Variants in CCDC175 observed in about 807,000 individuals in gnomAD.
CCDC175 encodes coiled-coil domain containing 175, also known as coiled-coil domain-containing protein 175.
A neutral mutation model predicts 114.6 loss-of-function variants in CCDC175; 100 were observed. The ratio of observed to expected loss-of-function variants is 0.87; its 90% CI spans 0.74 to 1.03. The LOEUF is 1.03. Among genes scored for constraint, CCDC175 ranks in the 50% least tolerant of loss-of-function variants. CCDC175 has a pLI of 0.00. For synonymous variants in CCDC175, 306 were observed against 308.7 expected (o/e 0.99, Z 0.09); for missense variants, 880 against 917.8 (o/e 0.96, Z 0.53).
At chr14:59,534,604 G>A (rs1457224386) in intron 13 of CCDC175, among the ~76,000 whole-genome samples, 3 of 152,252 alleles carry the variant, frequency 2.0e-5, no homozygotes, top group African/African-American at 7.2e-5. Context: ...CCCTTTTCCT[G>A]GCAGCTCTGC....
At chr14:59,560,073 A>C (rs756971397) in intron 7 of CCDC175, among the ~76,000 whole-genome samples, 9 of 152,094 alleles carry the variant, frequency 5.9e-5, no homozygotes, top group Non-Finnish European at 1.2e-4. Context: ...ACAAAATAAA[A>C]GAGTTTTTTT....
intron 14 of CCDC175, among the ~76,000 whole-genome samples, chr14:59,530,302 G>A (rs994027380): frequency 6.6e-6 from 1 of 152,014 alleles, no homozygotes; most frequent in African/African-American, 2.4e-5. Flanking sequence ...AGGAGGTGGA[G>A]GTTGCAGTGA....
In CCDC175 at chr14:59,576,662, G is replaced by A. The variant is rs1897140807; in HGVS notation, c.114C>T (p.Gly38=). 5 of 1,481,682 alleles carry A rather than the reference G, an allele frequency of 3.4e-6. No individual in the cohort carries two copies. In the East Asian group the frequency reaches 1.4e-4, roughly 42 times the overall value. The allele number at this position is 1,481,682 out of a possible 1,614,324, so 91.8% of individuals were successfully genotyped here. A position where few individuals can be genotyped will look rare whatever the true frequency, so the allele number is the denominator to read the frequency against. Residue 38 remains glycine, a synonymous_variant, in exon 1 of 20, where the codon GGC becomes GGT. Transcript: ENST00000537690. ...CCAGCGCCTCGACCGCGACCGAGGA[G>A]CCCAGGGTGGAGGGTAAGGTGCATA... ...LELCTLPSTL[G]SSVAVEALEQ... is the part of the protein sequence containing the mutation.
chr14:59,546,277 G>A (rs1171295715), intron 8 of CCDC175, among the ~76,000 whole-genome samples: 1 of 152,108 alleles, frequency 6.6e-6, no homozygotes, highest in Non-Finnish European at 1.5e-5. Context: ...GGTATACATG[G>A]ACACAAAGAT....
At chr14:59,535,162 T>C (rs1270732841) in intron 13 of CCDC175, among the ~76,000 whole-genome samples, 2 of 152,162 alleles carry the variant, frequency 1.3e-5, no homozygotes, top group Non-Finnish European at 2.9e-5. Context: ...AATTGGGTTA[T>C]TGCTATATAA....
At chr14:59,516,377 G>A (rs1195445385) in intron 17 of CCDC175, among the ~76,000 whole-genome samples, 1 of 152,168 alleles carries the variant, frequency 6.6e-6, no homozygotes, top group Non-Finnish European at 1.5e-5. Context: ...AATGAATCCA[G>A]GAGCTGGTTT....
intron 8 of CCDC175, among the ~76,000 whole-genome samples, chr14:59,546,598 T>C (rs968189609): frequency 2.6e-5 from 4 of 152,022 alleles, no homozygotes; most frequent in Admixed American, 2.6e-4. Context: ...AAGAAACCAC[T>C]TGAAAACCAA....
intron 17 of CCDC175, among the ~76,000 whole-genome samples, chr14:59,518,751 T>G (rs556976591): frequency 2.4e-3 from 360 of 152,182 alleles, no homozygotes; most frequent in African/African-American, 7.9e-3. Context: ...ATTGTGGAAG[T>G]CAGTGTGGTG....
chr14:59,546,588 A>G (rs1895124656), intron 8 of CCDC175, among the ~76,000 whole-genome samples: 1 of 152,196 alleles, frequency 6.6e-6, no homozygotes, highest in Non-Finnish European at 1.5e-5. Flanking sequence ...ACTAACATAG[A>G]AGAAACCACT....
rs1466931574 is a variant in CCDC175 at position 59,538,051 on chromosome 14, A to T, written c.1595T>A (p.Met532Lys). 47 of 1,530,984 alleles carry T rather than the reference A, an allele frequency of 3.1e-5. No homozygotes were observed. Among genetic ancestry groups the T allele is most frequent in the Non-Finnish European group, 3.9e-5 (44 of 1,142,222 alleles). The allele number at this position is 1,530,984 out of a possible 1,614,324, so 94.8% of individuals were successfully genotyped here. A position where few individuals can be genotyped will look rare whatever the true frequency, so the allele number is the denominator to read the frequency against. ...EEKAFVNKEK[M>K]LMKELSKYEE... Reference sequence around the variant, plus strand: ...ATACTTGCTTAACTCTTTCATTAACATTTTTTCTTTGTTAACAAATGCTTT... The same window carrying T: ...ATACTTGCTTAACTCTTTCATTAACTTTTTTTCTTTGTTAACAAATGCTTT... The change falls in exon 13 of 20, where the codon ATG (methionine) becomes AAG (lysine). Residue 532 changes from methionine (M) to lysine (K), a missense_variant. Transcript: ENST00000537690.
At chr14:59,547,642 C>A (rs1895194886) in intron 8 of CCDC175, among the ~76,000 whole-genome samples, 1 of 152,114 alleles carries the variant, frequency 6.6e-6, no homozygotes. Flanking sequence ...ATTGGACAAC[C>A]TTATGGAAAA....
At chr14:59,513,346 T>C (rs1807954) in intron 17 of CCDC175, among the ~76,000 whole-genome samples, 68,740 of 151,970 alleles carry the variant, frequency 0.45, 16,526 homozygotes, top group African/African-American at 0.61. Flanking sequence ...GTGCACCGAG[T>C]GTGAGCCAAA....
In CCDC175 at chr14:59,572,721, G is replaced by T; in HGVS notation, c.336C>A (p.Ser112Arg). The change falls in exon 3 of 20, where the codon AGC becomes AGA. Residue 112 changes from serine to arginine, a missense_variant. Ser to Arg is a moderately radical substitution (Grantham distance 110). Coordinates refer to ENST00000537690, the MANE Select transcript of CCDC175 (RefSeq NM_001164399.2). ...AAGTACCTTCCAATTCCCTCTTAAT[G>T]CTATTGGGAAGAGTTTCCAATAGAT... ...LYYLLETLPNSIKRELEECVR... is the reference protein window; with the variant it reads ...LYYLLETLPNRIKRELEECVR... 1 of 1,500,010 alleles carries T rather than the reference G, an allele frequency of 6.7e-7. No individual in the cohort carries two copies. Among genetic ancestry groups the T allele is most frequent in the Non-Finnish European group, 8.8e-7 (1 of 1,132,338 alleles). 92.9% of individuals were successfully genotyped at this position (1,500,010 alleles called of 1,614,324 possible). A position where few individuals can be genotyped will look rare whatever the true frequency, so the allele number is the denominator to read the frequency against.
At chr14:59,513,181 G>T (rs920315289) in intron 17 of CCDC175, among the ~76,000 whole-genome samples, 1 of 152,162 alleles carries the variant, frequency 6.6e-6, no homozygotes, top group South Asian at 2.1e-4. Context: ...TTCACTTGAG[G>T]GGGGTGGAGC....
Position 59,565,187 on chromosome 14 carries a change from A to C in CCDC175, c.580T>G (p.Tyr194Asp). 1.3e-6 allele frequency: 2 copies of C among 1,537,778 alleles called. No homozygotes were observed. The highest frequency in any genetic ancestry group is 1.7e-6 in the Non-Finnish European group (2 of 1,147,030). The part of the protein sequence containing the change: ...TMEKKATTTV[Y>D]INETYTKINL... ...ATTTTGGTATAAGTCTCATTTATGT[A>C]AACAGTGGTGGTGGCTTTTTTCTCC... The change falls in exon 5 of 20, where the codon TAC becomes GAC. Residue 194 changes from tyrosine to aspartate, a missense_variant. By Grantham distance (160) the Tyr-to-Asp change is radical. Coordinates refer to ENST00000537690, the MANE Select transcript of CCDC175 (RefSeq NM_001164399.2).
In CCDC175 at chr14:59,525,348, T is replaced by G; in HGVS notation, c.1929A>C (p.Glu643Asp). 6.6e-7 allele frequency: 1 copy of G among 1,511,346 alleles called. No individual in the cohort carries two copies. The highest frequency in any genetic ancestry group is 1.3e-5 in the South Asian group (1 of 79,666). 93.6% of individuals were successfully genotyped at this position (1,511,346 alleles called of 1,614,324 possible). Residue 643 changes from glutamate (E) to aspartate (D), a missense_variant, in exon 16 of 20, where the codon GAA (glutamate) becomes GAC (aspartate). By Grantham distance (45) the Glu-to-Asp change is conservative. Transcript: ENST00000537690. ...TTTGGTCATTTATATAGAATCCATT[T>G]TCTAAGTTCTTTAGAGTTTCAAAAT... The part of the protein sequence containing the change: ...KDHFETLKNL[E>D]NGFYINDQKA...
At chr14:59,568,097 C>T (rs1896655629) in intron 4 of CCDC175, 148 bp downstream of exon 4, 1 of 674,344 alleles carries the variant, frequency 1.5e-6, no homozygotes. Context: ...TTCCCTACCC[C>T]ATCAGCCTGG....
At chr14:59,557,542 C>A (rs1259788337) in intron 7 of CCDC175, among the ~76,000 whole-genome samples, 1 of 150,940 alleles carries the variant, frequency 6.6e-6, no homozygotes, top group African/African-American at 2.4e-5. Context: ...GTGCAGCACA[C>A]CAACATGGCA....
rs1258922642 is a variant in CCDC175 at position 59,574,953 on chromosome 14, A to T, written c.233T>A (p.Val78Asp). Residue 78 changes from valine (V) to aspartate (D), a missense_variant, in exon 2 of 20, where the codon GTT becomes GAT. Coordinates refer to ENST00000537690, the MANE Select transcript of CCDC175 (RefSeq NM_001164399.2). ...TAGATAATACAATACCAATTTCTTA[A>T]CAGCTACAGCAATGTCCTTAAGAAA... ...KIFLKDIAVA[V>D]KKLEEMRKAT... 1 of 1,478,532 alleles carries T rather than the reference A, an allele frequency of 6.8e-7. No homozygotes were observed. Among genetic ancestry groups the T allele is most frequent in the African/African-American group, 1.4e-5 (1 of 71,138 alleles). The allele number at this position is 1,478,532 out of a possible 1,614,324, so 91.6% of individuals were successfully genotyped here. A position where few individuals can be genotyped will look rare whatever the true frequency, so the allele number is the denominator to read the frequency against.
Sources: allele counts gnomAD v4.1 joint callset (sites outside exome capture counted in the v4.1 genomes callset), GRCh38; gene constraint gnomAD v4.1.1; transcripts MANE v1.5; gene names NCBI Gene and HGNC (gene_info 2026-07-23, HGNC 2026-07-21).